MAP4K3: variants seen among roughly 807,000 people sequenced by gnomAD.
The protein encoded by MAP4K3 is mitogen-activated protein kinase kinase kinase kinase 3, also known as MAPK/ERK kinase kinase kinase 3.
MAP4K3 carries 94 observed loss-of-function variants against 143.5 expected under a neutral mutation model. The observed-to-expected ratio is 0.65, with a 90% CI of 0.55 to 0.78. The LOEUF is 0.78. Ranked by LOEUF, MAP4K3 falls within the 30% of genes least tolerant of loss-of-function variation. The probability of loss-of-function intolerance (pLI) is 0.00; values close to 1 mark genes in which losing one functional copy is unlikely to be tolerated. For synonymous variants in MAP4K3, 416 were observed against 347.2 expected, an observed-to-expected ratio of 1.20 and a Z score of -2.20; for missense variants, 1,077 against 1,068.1, an observed-to-expected ratio of 1.01 and a Z score of -0.12.
intron 2 of MAP4K3, among the ~76,000 whole-genome samples, chr2:39,369,019 A>G (rs374859789): frequency 6.6e-6 from 1 of 152,026 alleles, no homozygotes; most frequent in Non-Finnish European, 1.5e-5. Context: ...CCCTCTGCAC[A>G]TAACTCAAGC....
chr2:39,415,980 A>AAAAATAAATATAT (rs1553318573), intron 1 of MAP4K3, among the ~76,000 whole-genome samples: 1 of 14,756 alleles, frequency 6.8e-5, no homozygotes, highest in Non-Finnish European at 1.5e-4. Context: ...AAAAAAAAAA[A>AAAAATAAATATAT]ATATATATAT....
chr2:39,424,830 CAAAAAAAAAAA>C (rs58960920), intron 1 of MAP4K3, among the ~76,000 whole-genome samples: 10 of 68,196 alleles, frequency 1.5e-4, no homozygotes, highest in Non-Finnish European at 2.8e-4. Flanking sequence ...TAACCTGACT[CAAAAAAAAAAA>C]AAAAAAAAAA....
At chr2:39,265,587 T>C (rs1680733673) in intron 27 of MAP4K3, among the ~76,000 whole-genome samples, 1 of 152,220 alleles carries the variant, frequency 6.6e-6, no homozygotes, top group Admixed American at 6.5e-5. Context: ...ACTTTTCGTC[T>C]TATGATGGTA....
intron 3 of MAP4K3, chr2:39,356,043 A>C: frequency 2.2e-6 from 1 of 448,540 alleles, no homozygotes; most frequent in Non-Finnish European, 3.9e-6. Context: ...CTAAAAGCAC[A>C]TCTAGAATTC....
At chr2:39,305,319 A>G in intron 15 of MAP4K3, among the ~76,000 whole-genome samples, 1 of 152,166 alleles carries the variant, frequency 6.6e-6, no homozygotes, top group East Asian at 1.9e-4. Flanking sequence ...AAAAATATAT[A>G]CTGATGATGT....
At chr2:39,374,429 C>T (rs1413189736) in intron 2 of MAP4K3, among the ~76,000 whole-genome samples, 1 of 151,978 alleles carries the variant, frequency 6.6e-6, no homozygotes, top group African/African-American at 2.4e-5. Flanking sequence ...CGCTTGTTAA[C>T]CCAGCACTTT....
chr2:39,309,922 A>T (rs1185177122), intron 13 of MAP4K3, among the ~76,000 whole-genome samples: 1 of 152,162 alleles, frequency 6.6e-6, no homozygotes, highest in Non-Finnish European at 1.5e-5. Context: ...ATGGTGAAAG[A>T]CATTTAATGC....
At chr2:39,369,205 G>GTTTTTTTTTTTTTTTTTT (rs68013609) in intron 2 of MAP4K3, among the ~76,000 whole-genome samples, 51 of 125,344 alleles carry the variant, frequency 4.1e-4, no homozygotes, top group African/African-American at 1.0e-3. Flanking sequence ...TTTTTTTTTT[G>GTTTTTTTTTTTTTTTTTT]TTTTTTTTGA....
At chr2:39,396,762 C>T (rs929060953) in intron 1 of MAP4K3, among the ~76,000 whole-genome samples, 42 of 152,124 alleles carry the variant, frequency 2.8e-4, no homozygotes, top group Non-Finnish European at 4.4e-4. Context: ...CGTGAGCCAC[C>T]GCGCCCAGCC....
At chr2:39,314,695 C>T (rs1187555610) in intron 13 of MAP4K3, among the ~76,000 whole-genome samples, 2 of 152,140 alleles carry the variant, frequency 1.3e-5, no homozygotes, top group Non-Finnish European at 2.9e-5. Context: ...GATGAGTTGA[C>T]AGTATTGGAT....
At chr2:39,294,194 C>G (rs917246845) in intron 16 of MAP4K3, 2 of 152,050 alleles carry the variant, frequency 1.3e-5, no homozygotes, top group Non-Finnish European at 2.9e-5. Flanking sequence ...TAATTATTTT[C>G]CCTCCTAATA....
chr2:39,304,914 C>T (rs1682644578), intron 15 of MAP4K3, among the ~76,000 whole-genome samples: 3 of 152,166 alleles, frequency 2.0e-5, no homozygotes, highest in Admixed American at 2.0e-4. Flanking sequence ...CACGGAGGAA[C>T]CCTGAAGGTA....
intron 12 of MAP4K3, among the ~76,000 whole-genome samples, chr2:39,324,218 C>T (rs572963401): frequency 2.0e-5 from 3 of 152,190 alleles, no homozygotes; most frequent in African/African-American, 7.2e-5. Context: ...ACCAACCTGG[C>T]CAATGTGGTA....
chr2:39,298,346 A>G (rs1354401339), intron 16 of MAP4K3, among the ~76,000 whole-genome samples: 5 of 152,092 alleles, frequency 3.3e-5, no homozygotes, highest in Non-Finnish European at 7.4e-5. Flanking sequence ...ATAAATGCTA[A>G]TAATAATAAT....
intron 8 of MAP4K3, among the ~76,000 whole-genome samples, chr2:39,330,548 G>A (rs1683649644): frequency 6.6e-6 from 1 of 152,078 alleles, no homozygotes; most frequent in African/African-American, 2.4e-5. Context: ...AAGACTGCCA[G>A]AGCAGAGCCA....
intron 22 of MAP4K3, among the ~76,000 whole-genome samples, chr2:39,281,304 A>C (rs1013680441): frequency 3.3e-5 from 5 of 152,218 alleles, no homozygotes; most frequent in African/African-American, 1.2e-4. Context: ...AAAAATATTA[A>C]CATAATTAAA....
At chr2:39,267,324 T>G (rs1022137071) in intron 26 of MAP4K3, 77 bp from the exon 27 acceptor site, 16 of 1,142,652 alleles carry the variant, frequency 1.4e-5, no homozygotes, top group African/African-American at 1.5e-5. Flanking sequence ...TATAGATCAG[T>G]GCACAAAGGA....
chr2:39,351,503 G>A (rs935291962), intron 3 of MAP4K3, among the ~76,000 whole-genome samples: 52 of 111,618 alleles, frequency 4.7e-4, no homozygotes, highest in Non-Finnish European at 8.5e-4. Context: ...GCTCCTTAAA[G>A]GGAAGGATTA....
chr2:39,365,712 G>A (rs977962070), intron 2 of MAP4K3, among the ~76,000 whole-genome samples: 1 of 151,970 alleles, frequency 6.6e-6, no homozygotes, highest in African/African-American at 2.4e-5. Flanking sequence ...CCAAAGTGCT[G>A]GGATTACAGG....
Sources: allele counts gnomAD v4.1 joint callset (sites outside exome capture counted in the v4.1 genomes callset), GRCh38; gene constraint gnomAD v4.1.1; transcripts MANE v1.5; gene names NCBI Gene and HGNC (gene_info 2026-07-23, HGNC 2026-07-21).